RAP1GAP2: variants seen among roughly 807,000 people sequenced by gnomAD.
RAP1GAP2 encodes the protein RAP1 GTPase activating protein 2.
A neutral mutation model predicts 95.0 loss-of-function variants in RAP1GAP2; 27 were observed. That is an observed-to-expected ratio of 0.28 (90% CI 0.21 to 0.39). The LOEUF is 0.39. RAP1GAP2 is among the 10% of genes least tolerant of loss of function. The pLI is 1.00. For missense variants in RAP1GAP2, 771 were observed against 970.0 expected (o/e 0.79, Z 2.72); for synonymous variants, 373 against 380.9 (o/e 0.98, Z 0.24).
intron 3 of RAP1GAP2, among the ~76,000 whole-genome samples, chr17:2,944,942 G>A (rs930134003): frequency 6.6e-6 from 1 of 152,138 alleles, no homozygotes; most frequent in Admixed American, 6.5e-5. Flanking sequence ...GAGTGCAGTG[G>A]CACTATCTCG....
intron 3 of RAP1GAP2, among the ~76,000 whole-genome samples, chr17:2,956,195 C>T (rs1490600159): frequency 2.0e-5 from 3 of 152,208 alleles, no homozygotes; most frequent in Non-Finnish European, 2.9e-5. Context: ...GGAGGTTTGG[C>T]ATCTGGATGT....
In RAP1GAP2 at chr17:2,981,236, C is replaced by T. The variant is rs370522432; in HGVS notation, c.717C>T (p.Val239=). 1.5e-4 allele frequency: 241 copies of T among 1,611,820 alleles called. 1 individual carries two copies. In the Middle Eastern group the frequency reaches 3.3e-3, roughly 22 times the overall value. Residue 239 remains valine, a synonymous_variant, in exon 10 of 25, where the codon GTC becomes GTT. Coordinates refer to ENST00000254695, the MANE Select transcript of RAP1GAP2 (RefSeq NM_015085.5). ...CAGTGGGACTGAGATTCAATCCTGT[C>T]CTGTACCCCAAGGTAAGGACCTTCA... is the stretch of plus-strand genomic sequence containing the variant. ...DDAVGLRFNP[V]LYPKASQMIV...
chr17:3,017,373 A>T (rs1597883684), intron 17 of RAP1GAP2, among the ~76,000 whole-genome samples: 1 of 151,072 alleles, frequency 6.6e-6, no homozygotes, highest in Non-Finnish European at 1.5e-5. Flanking sequence ...CTCTTTCAGC[A>T]CCTCCATCAG....
chr17:2,967,906 G>A (rs1239165956), intron 8 of RAP1GAP2, among the ~76,000 whole-genome samples: 3 of 152,186 alleles, frequency 2.0e-5, no homozygotes, highest in African/African-American at 7.2e-5. Flanking sequence ...AACAGCCTGT[G>A]TGTGCCATGA....
intron 2 of RAP1GAP2, among the ~76,000 whole-genome samples, chr17:2,896,986 C>G (rs1307857584): frequency 6.6e-6 from 1 of 152,192 alleles, no homozygotes; most frequent in Admixed American, 6.5e-5. Flanking sequence ...GGACCAGTAG[C>G]CCCCTTTGAC....
At chr17:2,809,750 T>C (rs2069676070) in intron 2 of RAP1GAP2, among the ~76,000 whole-genome samples, 1 of 152,152 alleles carries the variant, frequency 6.6e-6, no homozygotes, top group African/African-American at 2.4e-5. Flanking sequence ...CCTCCCCAGA[T>C]TGTGCACCCC....
In RAP1GAP2 at chr17:2,796,675, C is replaced by A; in HGVS notation, c.44+104C>A. The A allele has an allele frequency of 1.5e-6, 2 of 1,347,988 alleles. No homozygotes were observed. The highest frequency in any genetic ancestry group is 1.0e-6 in the Non-Finnish European group (1 of 963,224). 83.5% of individuals were successfully genotyped at this position (1,347,988 alleles called of 1,614,324 possible). Reference sequence around the variant, plus strand: ...TGGGAACAGAGGGGCTCGGGCTGTGCCTGAGAGCTGGGTCTGCTGACGCCC... The same window carrying A: ...TGGGAACAGAGGGGCTCGGGCTGTGACTGAGAGCTGGGTCTGCTGACGCCC... On this transcript the variant is annotated intron_variant, in intron 1 of 24. Transcript: ENST00000254695. This position sits in a 1 kb window ranked among gnomAD's most constrained non-coding sequence, Gnocchi z 4.7.
chr17:2,983,725 G>A (rs1345218019), intron 10 of RAP1GAP2, among the ~76,000 whole-genome samples: 1 of 152,144 alleles, frequency 6.6e-6, no homozygotes, highest in African/African-American at 2.4e-5. Flanking sequence ...GGTGAAAAAT[G>A]ATACTCAGTT....
rs2046928545 is a variant in RAP1GAP2, at chr17:3,020,600, CTG to C, written c.1751+7_1751+8del. The C allele has an allele frequency of 6.2e-7, 1 of 1,612,284 alleles. No homozygotes were observed. Among genetic ancestry groups the C allele is most frequent in the African/African-American group, 1.3e-5 (1 of 74,920 alleles). On this transcript the variant is annotated splice_donor_region_variant and intron_variant, in intron 19 of 24. Coordinates refer to ENST00000254695, the MANE Select transcript of RAP1GAP2 (RefSeq NM_015085.5). ...GGGCGACAGCCGGGCACGATGGTAA[CTG>C]TTGGGAAACCCCTACCCCAGCCTGA...
intron 8 of RAP1GAP2, among the ~76,000 whole-genome samples, chr17:2,969,163 TTATC>T (rs756995427): frequency 7.3e-4 from 107 of 146,666 alleles, no homozygotes; most frequent in South Asian, 4.7e-3. Context: ...ATATTTTTCT[TTATC>T]TATCTATCTA....
chr17:2,994,049 C>T (rs946197960), intron 12 of RAP1GAP2, among the ~76,000 whole-genome samples: 3 of 152,122 alleles, frequency 2.0e-5, no homozygotes, highest in African/African-American at 7.2e-5. Context: ...CTGACTGAAA[C>T]CAAAACTAAA....
At chr17:2,946,536 C>G (rs781462536) in intron 3 of RAP1GAP2, among the ~76,000 whole-genome samples, 7 of 152,184 alleles carry the variant, frequency 4.6e-5, no homozygotes, top group African/African-American at 1.4e-4. Context: ...AAATATGAGT[C>G]TGCCTAATTT....
intron 2 of RAP1GAP2, 43 bp from the exon 3 acceptor site, chr17:2,905,241 G>A: frequency 6.4e-7 from 1 of 1,567,868 alleles, no homozygotes; most frequent in South Asian, 1.1e-5. Context: ...GAGAAGGGAA[G>A]GCGCAGGCAG....
chr17:2,955,681 G>GT (rs893982475), intron 3 of RAP1GAP2, among the ~76,000 whole-genome samples: 5 of 151,924 alleles, frequency 3.3e-5, no homozygotes, highest in Non-Finnish European at 5.9e-5. Flanking sequence ...TTCGTGCGTC[G>GT]TTTTTTTGAT....
intron 1 of RAP1GAP2, among the ~76,000 whole-genome samples, chr17:2,779,406 G>A (rs2068583825): frequency 6.6e-6 from 1 of 152,200 alleles, no homozygotes; most frequent in Non-Finnish European, 1.5e-5. Context: ...AAGTGGAGGT[G>A]GGTCCGCATA....
Position 3,027,286 on chromosome 17 carries a change from CAG to C in RAP1GAP2, c.2107+221_2107+222del, listed in dbSNP as rs771226904. Among the ~76,000 whole-genome samples, 13 of 152,184 alleles carry C rather than the reference CAG, an allele frequency of 8.5e-5. No individual in the cohort carries two copies. The highest frequency in any genetic ancestry group is 1.3e-4 in the Non-Finnish European group (9 of 68,036). ...TACACTGAGAGTTGTGAAGCTGAGG[CAG>C]AGAGTTGAAGGCCTTGTGGGAGATC... On this transcript the variant is annotated intron_variant, in intron 22 of 24. Transcript: ENST00000254695. This position sits in a 1 kb window ranked among gnomAD's most constrained non-coding sequence, Gnocchi z 5.2.
At chr17:2,912,507 C>T (rs897406935) in intron 3 of RAP1GAP2, among the ~76,000 whole-genome samples, 20 of 151,988 alleles carry the variant, frequency 1.3e-4, no homozygotes, top group Admixed American at 2.6e-4. Flanking sequence ...GGAGGGTTGA[C>T]GGGAGCCTTT....
At chr17:2,974,938 A>G (rs1345868411) in intron 8 of RAP1GAP2, among the ~76,000 whole-genome samples, 1 of 152,214 alleles carries the variant, frequency 6.6e-6, no homozygotes, top group Admixed American at 6.5e-5. Flanking sequence ...TGGTTTAGAA[A>G]TAATTTCAGG....
chr17:2,893,852 G>A (rs927090155), intron 2 of RAP1GAP2, among the ~76,000 whole-genome samples: 2 of 152,226 alleles, frequency 1.3e-5, no homozygotes, highest in African/African-American at 4.8e-5. Context: ...TTTCTTCAGC[G>A]CAGGGGAGGT....
Sources: allele counts gnomAD v4.1 joint callset (sites outside exome capture counted in the v4.1 genomes callset), GRCh38; gene constraint gnomAD v4.1.1; non-coding constraint Gnocchi (gnomAD v3.1); transcripts MANE v1.5; gene names NCBI Gene and HGNC (gene_info 2026-07-23, HGNC 2026-07-21).